Variants in NRG1 observed in about 807,000 individuals in gnomAD.
NRG1 encodes pro-neuregulin-1, membrane-bound isoform.
A neutral mutation model predicts 63.8 loss-of-function variants in NRG1; 18 were observed. The observed-to-expected ratio is 0.28, with a 90% CI of 0.19 to 0.42. The LOEUF is 0.42. NRG1 is among the 10% of genes least tolerant of loss of function. The pLI, the probability that NRG1 is intolerant of heterozygous loss-of-function variation, is 1.00. For synonymous variants in NRG1, 302 were observed against 301.3 expected, an observed-to-expected ratio of 1.00 and a Z score of -0.02; for missense variants, 762 against 814.7, an observed-to-expected ratio of 0.94 and a Z score of 0.79.
intron 1 of NRG1, among the ~76,000 whole-genome samples, chr8:31,717,455 A>G (rs1812471719): frequency 6.6e-6 from 1 of 151,734 alleles, no homozygotes; most frequent in South Asian, 2.1e-4. Context: ...GATTGTGTTA[A>G]CATGGGGGCC....
At chr8:32,175,655 T>A (rs1363501289) in intron 1 of NRG1, among the ~76,000 whole-genome samples, 2 of 152,162 alleles carry the variant, frequency 1.3e-5, no homozygotes, top group Non-Finnish European at 2.9e-5. Context: ...AAAATCAATG[T>A]ACAAAAATCA....
At chr8:31,903,452 C>A (rs938728468) in intron 1 of NRG1, among the ~76,000 whole-genome samples, 4 of 151,770 alleles carry the variant, frequency 2.6e-5, no homozygotes, top group Non-Finnish European at 2.9e-5. Flanking sequence ...CCCGGCCGAG[C>A]CTTCAACTTG....
chr8:32,027,248 CAATG>C (rs778861940), intron 1 of NRG1, among the ~76,000 whole-genome samples: 5 of 152,048 alleles, frequency 3.3e-5, no homozygotes, highest in Non-Finnish European at 5.9e-5. Context: ...TTTTGCCAAA[CAATG>C]AATATTTCTT....
intron 1 of NRG1, among the ~76,000 whole-genome samples, chr8:31,984,998 A>C (rs1283782527): frequency 2.0e-5 from 3 of 152,104 alleles, no homozygotes; most frequent in African/African-American, 7.2e-5. Context: ...GGGTTTACCC[A>C]TTTGAGACTG....
intron 1 of NRG1, among the ~76,000 whole-genome samples, chr8:32,426,808 G>C (rs1383145945): frequency 6.6e-6 from 1 of 152,168 alleles, no homozygotes. Flanking sequence ...GACATACACC[G>C]TAATGTCAGT....
At chr8:32,666,101 T>C (rs1000457957) in intron 5 of NRG1, among the ~76,000 whole-genome samples, 4 of 152,212 alleles carry the variant, frequency 2.6e-5, no homozygotes, top group Non-Finnish European at 5.9e-5. Flanking sequence ...TGCACCCAGA[T>C]TCCTTCACGT....
At chr8:32,601,254 A>T (rs938248123) in intron 2 of NRG1, among the ~76,000 whole-genome samples, 1 of 152,168 alleles carries the variant, frequency 6.6e-6, no homozygotes, top group African/African-American at 2.4e-5. Context: ...TTTCTGTGTG[A>T]TATTTTTGAA....
chr8:32,197,264 GA>G (rs1843055372), intron 1 of NRG1, among the ~76,000 whole-genome samples: 1 of 152,032 alleles, frequency 6.6e-6, no homozygotes, highest in Non-Finnish European at 1.5e-5. Context: ...GCCCAGCCTA[GA>G]ACATTCTTTC....
At chr8:32,099,928 G>A (rs112593003) in intron 1 of NRG1, among the ~76,000 whole-genome samples, 1 of 152,064 alleles carries the variant, frequency 6.6e-6, no homozygotes, top group Non-Finnish European at 1.5e-5. Flanking sequence ...GAAGGTGGAG[G>A]GGGGAACATG....
intron 7 of NRG1, among the ~76,000 whole-genome samples, chr8:32,746,757 G>A (rs1207062572): frequency 6.6e-6 from 1 of 151,868 alleles, no homozygotes; most frequent in Non-Finnish European, 1.5e-5. Flanking sequence ...CTAGGCAGAA[G>A]TTCAATAGGA....
chr8:31,821,771 A>G (rs1435525387), intron 1 of NRG1, among the ~76,000 whole-genome samples: 1 of 152,114 alleles, frequency 6.6e-6, no homozygotes. Context: ...TTTATGTGTT[A>G]GAGAGAAACC....
At chr8:31,704,650 G>A (rs1810949782) in intron 1 of NRG1, among the ~76,000 whole-genome samples, 1 of 151,932 alleles carries the variant, frequency 6.6e-6, no homozygotes, top group East Asian at 2.0e-4. Context: ...GGCTAACACG[G>A]TGAAAACCCG....
At chr8:32,452,247 A>G (rs1359872379) in intron 1 of NRG1, among the ~76,000 whole-genome samples, 1 of 152,194 alleles carries the variant, frequency 6.6e-6, no homozygotes, top group Non-Finnish European at 1.5e-5. Flanking sequence ...GGGATAACAC[A>G]TGGAATGGAC....
At chr8:32,092,053 G>A (rs942770854) in intron 1 of NRG1, among the ~76,000 whole-genome samples, 1 of 151,840 alleles carries the variant, frequency 6.6e-6, no homozygotes, top group Non-Finnish European at 1.5e-5. Flanking sequence ...AAAAATTCAA[G>A]AAGTAATTTT....
intron 1 of NRG1, among the ~76,000 whole-genome samples, chr8:32,354,639 T>C (rs1806104822): frequency 6.6e-6 from 1 of 151,762 alleles, no homozygotes; most frequent in African/African-American, 2.4e-5. Context: ...ATGCCTGTAA[T>C]ACCAGCACTC....
At chr8:32,291,529 TCCA>T (rs1854192343) in intron 1 of NRG1, among the ~76,000 whole-genome samples, 1 of 143,278 alleles carries the variant, frequency 7.0e-6, no homozygotes, top group Non-Finnish European at 1.5e-5. Flanking sequence ...CAAATTTTTA[TCCA>T]CTTTTTTTTT....
At chr8:32,220,758 C>T (rs1845728704) in intron 1 of NRG1, among the ~76,000 whole-genome samples, 1 of 152,230 alleles carries the variant, frequency 6.6e-6, no homozygotes, top group Non-Finnish European at 1.5e-5. Context: ...GGAGCTCCTC[C>T]GCGGTCTCCC....
chr8:32,565,873 T>A (rs1304405231), intron 1 of NRG1, among the ~76,000 whole-genome samples: 1 of 152,154 alleles, frequency 6.6e-6, no homozygotes, highest in Non-Finnish European at 1.5e-5. Context: ...AAAAATTATC[T>A]GTGTCATTCC....
intron 1 of NRG1, among the ~76,000 whole-genome samples, chr8:32,270,282 C>T (rs1851410544): frequency 6.6e-6 from 1 of 152,180 alleles, no homozygotes. Flanking sequence ...TCCAAGCCGT[C>T]AAGGAGGGAT....
Sources: gnomAD v4.1 joint callset for allele counts (sites outside exome capture counted in the v4.1 genomes callset) on GRCh38, gnomAD v4.1.1 for gene constraint, MANE v1.5 for transcripts, NCBI Gene and HGNC (gene_info 2026-07-23, HGNC 2026-07-21) for gene names.